The following NOP16 variants were observed in gnomAD, a reference collection of about 807,000 sequenced individuals.
The protein encoded by NOP16 is nucleolar protein 16.
NOP16 carries 14 observed loss-of-function variants against 22.7 expected under a neutral mutation model. The ratio of observed to expected loss-of-function variants is 0.62; its 90% CI spans 0.41 to 0.97. NOP16 has a LOEUF of 0.97. Among genes scored for constraint, NOP16 ranks in the 50% least tolerant of loss-of-function variants. NOP16 has a pLI of 0.00. For missense variants in NOP16, 198 were observed against 235.9 expected (o/e 0.84, Z 1.05); for synonymous variants, 80 against 83.6 (o/e 0.96, Z 0.23).
chr5:176,387,050 G>T, intron 2 of NOP16, 141 bp from the exon 3 acceptor site: 1 of 662,294 alleles, frequency 1.5e-6, no homozygotes, highest in Non-Finnish European at 2.7e-6. Flanking sequence ...GAGAACTAAT[G>T]CCCTGGAGGC....
chr5:176,385,049 C>A, intron 4 of NOP16, 172 bp downstream of exon 4: 1 of 624,878 alleles, frequency 1.6e-6, no homozygotes, highest in South Asian at 1.8e-5. Context: ...TCTATCCTTG[C>A]CATAAGCATT....
Position 176,388,350 on chromosome 5 carries a change from G to A in NOP16, c.108-7C>T. ...GGCATGTCGGATGTGGGAGCTACCGGCAAAGAGAGACATCGCGGATCCGTC... is the reference window on the plus strand; with the variant it reads ...GGCATGTCGGATGTGGGAGCTACCGACAAAGAGAGACATCGCGGATCCGTC... On this transcript the variant is annotated splice_region_variant and splice_polypyrimidine_tract_variant and intron_variant, in intron 1 of 4. Coordinates refer to ENST00000614830, the MANE Select transcript of NOP16 (RefSeq NM_016391.8). 3 of 1,613,634 alleles carry A rather than the reference G, an allele frequency of 1.9e-6. No homozygotes were observed. The highest frequency in any genetic ancestry group is 2.5e-6 in the Non-Finnish European group (3 of 1,179,510).
intron 4 of NOP16, 63 bp from the exon 5 acceptor site, chr5:176,384,437 C>A: frequency 6.6e-7 from 1 of 1,524,444 alleles, no homozygotes; most frequent in Non-Finnish European, 8.9e-7. Context: ...CTGAACTCAT[C>A]CTGAATTAGG....
At chr5:176,386,681 C>A in intron 3 of NOP16, 159 bp downstream of exon 3, 1 of 731,310 alleles carries the variant, frequency 1.4e-6, no homozygotes, top group Non-Finnish European at 2.5e-6. Flanking sequence ...AAAAATGAGC[C>A]AGCCAGGACA....
At chr5:176,385,170 G>A (rs116580789) in intron 4 of NOP16, 51 bp downstream of exon 4, 166 of 1,024,896 alleles carry the variant, frequency 1.6e-4, no homozygotes, top group African/African-American at 1.4e-3. Flanking sequence ...ATCAAGCCGC[G>A]AATGGTCCAG....
chr5:176,384,336 G>A lies in NOP16; in HGVS notation c.432C>T (p.Thr144=). Residue 144 remains threonine (T), a synonymous_variant, in exon 5 of 5, where the codon ACC becomes ACT. Transcript: ENST00000614830. ...ARDEKNYYQD[T]PKQIRSKINV... ...TGATCTTACTCCGAATCTGTTTTGG[G>A]GTATCTTGATAGTAATTCTTCTCAT... 1 of 1,614,198 alleles carries A rather than the reference G, an allele frequency of 6.2e-7. No homozygotes were observed. The highest frequency in any genetic ancestry group is 8.5e-7 in the Non-Finnish European group (1 of 1,180,012).
At chr5:176,388,165 C>G (rs1756038537) in intron 2 of NOP16, 70 bp downstream of exon 2, 1 of 1,201,328 alleles carries the variant, frequency 8.3e-7, no homozygotes, top group African/African-American at 1.5e-5. Context: ...GTACCACGTT[C>G]TGACACCTAG....
chr5:176,387,295 G>C (rs1755942653), intron 2 of NOP16, among the ~76,000 whole-genome samples: 1 of 152,156 alleles, frequency 6.6e-6, no homozygotes, highest in Non-Finnish European at 1.5e-5. Context: ...GGCCAGGCCG[G>C]TCTCAAACTC....
chr5:176,384,551 C>T, intron 4 of NOP16, 177 bp from the exon 5 acceptor site: 1 of 636,296 alleles, frequency 1.6e-6, no homozygotes, highest in Non-Finnish European at 2.7e-6. Flanking sequence ...CTCTGGGAGG[C>T]CGAGGTGGGA....
chr5:176,384,467 C>T (rs1046523900), intron 4 of NOP16, 93 bp from the exon 5 acceptor site: 8 of 1,287,278 alleles, frequency 6.2e-6, no homozygotes, highest in Non-Finnish European at 8.7e-6. Flanking sequence ...TGCTATCTAT[C>T]CCTGAGGTCC....
chr5:176,387,229 G>A (rs567301932), intron 2 of NOP16, among the ~76,000 whole-genome samples: 3 of 152,086 alleles, frequency 2.0e-5, no homozygotes, highest in South Asian at 2.1e-4. Context: ...ACAATCATGC[G>A]CCACCATGCC....
At position 176,388,251 on chromosome 5, in the gene NOP16, G is replaced by A; in HGVS notation, c.200C>T (p.Pro67Leu). ...GLAVDPNRAV[P>L]LRKRKVKAME... Reference sequence around the variant, plus strand: ...TGTCAGTACCTTTCTCTTACGGAGGGGCACCGCCCTGTTGGGGTCCACAGC... The same window carrying A: ...TGTCAGTACCTTTCTCTTACGGAGGAGCACCGCCCTGTTGGGGTCCACAGC... The change falls in exon 2 of 5, where the codon CCC (proline) becomes CTC (leucine). Residue 67 changes from proline (P) to leucine (L), a missense_variant. Coordinates refer to ENST00000614830, the MANE Select transcript of NOP16 (RefSeq NM_016391.8). The A allele has an allele frequency of 2.5e-6, 4 of 1,612,520 alleles. No individual in the cohort carries two copies. The highest frequency in any genetic ancestry group is 2.7e-5 in the African/African-American group (2 of 75,020).
chr5:176,385,273 T>C lies in NOP16; in HGVS notation c.341A>G (p.Asp114Gly), dbSNP rs747437624. ...CATGTAGCGTACATAGTCAATGAGGTCCCGAGACAGAGTATTTCCTTTCTT... is the reference window on the plus strand; with the variant it reads ...CATGTAGCGTACATAGTCAATGAGGCCCCGAGACAGAGTATTTCCTTTCTT... ...PEKKGNTLSR[D>G]LIDYVRYMVE... Residue 114 changes from aspartate to glycine, a missense_variant, in exon 4 of 5, where the codon GAC (aspartate) becomes GGC (glycine). Transcript: ENST00000614830. 6 of 1,613,596 alleles carry C rather than the reference T, an allele frequency of 3.7e-6. No homozygotes were observed. The highest frequency in any genetic ancestry group is 1.7e-5 in the Admixed American group (1 of 60,028).
intron 4 of NOP16, 94 bp downstream of exon 4, chr5:176,385,127 C>A: frequency 1.3e-6 from 1 of 789,020 alleles, no homozygotes; most frequent in Non-Finnish European, 2.3e-6. Context: ...TTTCTTTGCA[C>A]TCGGTTTCAG....
At chr5:176,387,974 A>G (rs1756020778) in intron 2 of NOP16, among the ~76,000 whole-genome samples, 1 of 152,200 alleles carries the variant, frequency 6.6e-6, no homozygotes, top group African/African-American at 2.4e-5. Context: ...TAAGGAAAAT[A>G]CCGTTGAGAT....
chr5:176,384,999 A>C (rs1484875899), intron 4 of NOP16: 3 of 576,704 alleles, frequency 5.2e-6, no homozygotes, highest in African/African-American at 3.7e-5. Flanking sequence ...TGCGAGCAAA[A>C]CATTTATCTG....
chr5:176,385,122 T>C, intron 4 of NOP16, 99 bp downstream of exon 4: 1 of 779,926 alleles, frequency 1.3e-6, no homozygotes, highest in Non-Finnish European at 2.4e-6. Flanking sequence ...CTCCCTTTCT[T>C]TGCACTCGGT....
chr5:176,388,290 G>C lies in NOP16; in HGVS notation c.161C>G (p.Ala54Gly). 6.2e-7 allele frequency: 1 copy of C among 1,614,176 alleles called. No homozygotes were observed. The highest frequency in any genetic ancestry group is 8.5e-7 in the Non-Finnish European group (1 of 1,180,016). ...GGGGTCCACAGCCAACCCCATCTCGGCCAGGTTCTGCCGTACCGATTTAGC... is the reference window on the plus strand; with the variant it reads ...GGGGTCCACAGCCAACCCCATCTCGCCCAGGTTCTGCCGTACCGATTTAGC... ...DHAKSVRQNL[A>G]EMGLAVDPNR... Residue 54 changes from alanine (A) to glycine (G), a missense_variant, in exon 2 of 5, where the codon GCC becomes GGC. Coordinates refer to ENST00000614830, the MANE Select transcript of NOP16 (RefSeq NM_016391.8).
rs1755653946 is a variant in NOP16, at chr5:176,384,286, G to T, written c.482C>A (p.Ala161Glu). The change falls in exon 5 of 5, where the codon GCA becomes GAA. Residue 161 changes from alanine to glutamate, a missense_variant. Coordinates refer to ENST00000614830, the MANE Select transcript of NOP16 (RefSeq NM_016391.8). ...AGAATCGAGGAAGTCTTGCCACTCT[G>T]CTGGGTAAAAGCGTTTATAGACGTT... ...KINVYKRFYPAEWQDFLDSLQ... is the reference protein window; with the variant it reads ...KINVYKRFYPEEWQDFLDSLQ... The T allele has an allele frequency of 6.2e-7, 1 of 1,614,224 alleles. No homozygotes were observed. The highest frequency in any genetic ancestry group is 2.2e-5 in the East Asian group (1 of 44,872).
Sources: allele counts gnomAD v4.1 joint callset (sites outside exome capture counted in the v4.1 genomes callset), GRCh38; gene constraint gnomAD v4.1.1; transcripts MANE v1.5; gene names NCBI Gene and HGNC (gene_info 2026-07-23, HGNC 2026-07-21).